Variants in TUFT1 observed in about 807,000 individuals in gnomAD.
TUFT1 encodes tuftelin 1, also known as tuftelin.
A neutral mutation model predicts 57.8 loss-of-function variants in TUFT1; 43 were observed. The observed-to-expected ratio is 0.74, with a 90% confidence interval of 0.58 to 0.96. The LOEUF (loss-of-function observed/expected upper bound fraction) is 0.96, where lower values mean the gene tolerates loss of function less well. Ranked by LOEUF, TUFT1 falls within the 40% of genes least tolerant of loss-of-function variation. The pLI is 0.00. For missense variants in TUFT1, 459 were observed against 489.0 expected, an observed-to-expected ratio of 0.94 and a Z score of 0.58; for synonymous variants, 166 against 176.7, an observed-to-expected ratio of 0.94 and a Z score of 0.48.
chr1:151,578,095 G>A (rs1053752400), intron 9 of TUFT1, among the ~76,000 whole-genome samples: 8 of 151,804 alleles, frequency 5.3e-5, no homozygotes, highest in African/African-American at 1.7e-4. Flanking sequence ...CCAGTAACGA[G>A]GAGTTCATTA....
At position 151,552,707 on chromosome 1, in the gene TUFT1, C is replaced by CAAAAA. The variant is rs869244649; in HGVS notation, c.61-9362_61-9358dup. ...CGACAGAGCGAGAGGGACTCTGTCT[C>CAAAAA]AAAAAAAAAAAAAAAAAAAAAAAAA... On this transcript the variant is annotated intron_variant, in intron 1 of 12. Transcript: ENST00000368849. Among the ~76,000 whole-genome samples, 11 of 53,486 alleles carry CAAAAA rather than the reference C, an allele frequency of 2.1e-4. 4 individuals are homozygous for CAAAAA. The highest frequency in any genetic ancestry group is 2.5e-3 in the South Asian group (2 of 816). The allele number at this position is 53,486 out of a possible 152,430, so 35.1% of individuals were successfully genotyped here. A position where few individuals can be genotyped will look rare whatever the true frequency, so the allele number is the denominator to read the frequency against.
intron 6 of TUFT1, among the ~76,000 whole-genome samples, chr1:151,566,430 G>A (rs761715081): frequency 2.0e-5 from 3 of 152,136 alleles, no homozygotes; most frequent in Non-Finnish European, 4.4e-5. Context: ...AGTATCCACT[G>A]TTAACAGATT....
Position 151,574,905 on chromosome 1 carries a change from A to G in TUFT1, c.724-6A>G. 6.4e-7 allele frequency: 1 copy of G among 1,563,142 alleles called. No individual in the cohort carries two copies. The highest frequency in any genetic ancestry group is 8.7e-7 in the Non-Finnish European group (1 of 1,153,108). Reference sequence around the variant, plus strand: ...CATCCTAGATTTTCTTTTGTGGCCCACCCAGGAGCATCAGGCCTTACTGGC... The same window carrying G: ...CATCCTAGATTTTCTTTTGTGGCCCGCCCAGGAGCATCAGGCCTTACTGGC... On this transcript the variant is annotated splice_polypyrimidine_tract_variant and splice_region_variant and intron_variant, in intron 8 of 12. Transcript: ENST00000368849.
intron 12 of TUFT1, 142 bp downstream of exon 12, chr1:151,581,184 C>G (rs1241499239): frequency 1.3e-6 from 1 of 785,972 alleles, no homozygotes; most frequent in East Asian, 2.7e-5. Context: ...CACTGTTTGC[C>G]GGAACCATTT....
chr1:151,544,188 C>A (rs1303945428), intron 1 of TUFT1, among the ~76,000 whole-genome samples: 1 of 151,986 alleles, frequency 6.6e-6, no homozygotes, highest in Non-Finnish European at 1.5e-5. Context: ...ACTATGTTGC[C>A]CAGGCTAGTC....
Position 151,562,699 on chromosome 1 carries a change from C to T in TUFT1, c.237+13C>T. ...GGAGATCATTAAGGTAAGCTTAGTT[C>T]ACCTCCAACTTTTCTCCCTGTCCTC... is the stretch of plus-strand genomic sequence containing the variant. On this transcript the variant is annotated intron_variant, in intron 3 of 12. Transcript: ENST00000368849. The T allele has an allele frequency of 6.2e-7, 1 of 1,606,230 alleles. No homozygotes were observed. Among genetic ancestry groups the T allele is most frequent in the South Asian group, 1.1e-5 (1 of 90,692 alleles).
chr1:151,564,136 A>T (rs572604260), intron 4 of TUFT1, 146 bp downstream of exon 4: 2 of 653,338 alleles, frequency 3.1e-6, no homozygotes. Flanking sequence ...CCCGTGTGTC[A>T]AATATATAAC....
At chr1:151,570,689 T>C (rs1666227791) in intron 7 of TUFT1, among the ~76,000 whole-genome samples, 1 of 152,130 alleles carries the variant, frequency 6.6e-6, no homozygotes, top group South Asian at 2.1e-4. Flanking sequence ...TCTTTGAGTA[T>C]AAAACAAGGT....
At chr1:151,569,794 A>G in intron 7 of TUFT1, 24 bp downstream of exon 7, 1 of 1,576,530 alleles carries the variant, frequency 6.3e-7, no homozygotes, top group Non-Finnish European at 8.7e-7. Context: ...TTTGGGGAGA[A>G]GGTGCCCTAA....
rs1156897683 is a variant in TUFT1, at chr1:151,562,653, G to A, written c.204G>A (p.Val68=). The change falls in exon 3 of 13, where the codon GTG becomes GTA. Residue 68 remains valine, a synonymous_variant. Transcript: ENST00000368849. The part of the protein sequence containing the change: ...SAGHSLASEL[V]ESHDGHEEII... Reference sequence around the variant, plus strand: ...GTCATTCTCTGGCTTCAGAACTGGTGGAGTCCCATGATGGACATGAGGAGA... The same window carrying A: ...GTCATTCTCTGGCTTCAGAACTGGTAGAGTCCCATGATGGACATGAGGAGA... The A allele has an allele frequency of 1.9e-6, 3 of 1,613,230 alleles. No individual in the cohort carries two copies. Among genetic ancestry groups the A allele is most frequent in the South Asian group, 2.2e-5 (2 of 91,044 alleles).
chr1:151,572,859 T>C (rs776910615), intron 7 of TUFT1, among the ~76,000 whole-genome samples: 4 of 152,160 alleles, frequency 2.6e-5, no homozygotes, highest in Non-Finnish European at 5.9e-5. Flanking sequence ...TGGGAGGGGC[T>C]GGACGAACTG....
intron 1 of TUFT1, among the ~76,000 whole-genome samples, chr1:151,549,842 T>A (rs192673300): frequency 2.6e-5 from 4 of 152,252 alleles, no homozygotes; most frequent in Admixed American, 6.5e-5. Flanking sequence ...TCACCTCAGC[T>A]TCCCTAGTAG....
chr1:151,574,530 G>A, intron 8 of TUFT1, 132 bp downstream of exon 8: 1 of 1,207,950 alleles, frequency 8.3e-7, no homozygotes, highest in Non-Finnish European at 1.2e-6. Flanking sequence ...CCTTCCTTTG[G>A]CAGATCCCTT....
intron 1 of TUFT1, chr1:151,540,673 G>A (rs1368387248): frequency 3.8e-6 from 2 of 525,072 alleles, no homozygotes; most frequent in Non-Finnish European, 6.8e-6. Context: ...TGCGGCTCCT[G>A]CCTGGGACTC....
chr1:151,564,619 T>C lies in TUFT1; in HGVS notation c.414+5T>C, dbSNP rs1249988247. ...CTCCATCGACAGGAGATACAGGTAATAGGAAATGGTCCATGGTTGGGTCCC... is the reference window on the plus strand; with the variant it reads ...CTCCATCGACAGGAGATACAGGTAACAGGAAATGGTCCATGGTTGGGTCCC... On this transcript the variant is annotated splice_donor_5th_base_variant and intron_variant, in intron 5 of 12. Transcript: ENST00000368849. The C allele has an allele frequency of 1.2e-6, 2 of 1,612,942 alleles. No homozygotes were observed. The highest frequency in any genetic ancestry group is 3.3e-5 in the Admixed American group (2 of 60,014).
intron 11 of TUFT1, 37 bp from the exon 12 acceptor site, chr1:151,580,905 A>G: frequency 6.2e-7 from 1 of 1,602,474 alleles, no homozygotes; most frequent in East Asian, 2.2e-5. Flanking sequence ...GGGAAGCCAG[A>G]AAAAGGCCAA....
At position 151,562,077 on chromosome 1, in the gene TUFT1, A is replaced by C; in HGVS notation, c.61-14A>C. The C allele has an allele frequency of 1.9e-6, 3 of 1,613,602 alleles. No individual in the cohort carries two copies. Among genetic ancestry groups the C allele is most frequent in the Non-Finnish European group, 2.5e-6 (3 of 1,179,572 alleles). ...AAGTTGAGGGGTTATTGTTGCTGTCATTGTCATTATTAGGGCAGCGTGGAC... is the reference window on the plus strand; with the variant it reads ...AAGTTGAGGGGTTATTGTTGCTGTCCTTGTCATTATTAGGGCAGCGTGGAC... On this transcript the variant is annotated splice_polypyrimidine_tract_variant and intron_variant, in intron 1 of 12. Transcript: ENST00000368849.
chr1:151,541,621 G>T (rs1665170129), intron 1 of TUFT1, among the ~76,000 whole-genome samples: 1 of 152,104 alleles, frequency 6.6e-6, no homozygotes, highest in Non-Finnish European at 1.5e-5. Context: ...ACTCATTTCA[G>T]GTTTAGAATA....
At chr1:151,563,847 T>G in intron 3 of TUFT1, 57 bp from the exon 4 acceptor site, 1 of 1,487,460 alleles carries the variant, frequency 6.7e-7, no homozygotes, top group Non-Finnish European at 9.4e-7. Context: ...AAGCTGCCTA[T>G]TTTTGTATAG....
Sources: allele counts gnomAD v4.1 joint callset (sites outside exome capture counted in the v4.1 genomes callset), GRCh38; gene constraint gnomAD v4.1.1; transcripts MANE v1.5; gene names NCBI Gene and HGNC (gene_info 2026-07-23, HGNC 2026-07-21).